Variants in MEP1A observed in about 807,000 individuals in gnomAD.
MEP1A encodes N-benzoyl-L-tyrosyl-P-amino-benzoic acid hydrolase subunit alpha.
MEP1A carries 68 observed loss-of-function variants against 84.5 expected under a neutral mutation model. The observed-to-expected ratio is 0.80, with a 90% CI of 0.66 to 0.98. The LOEUF is 0.98. Among genes scored for constraint, MEP1A ranks in the 50% least tolerant of loss-of-function variants. The probability of loss-of-function intolerance (pLI) is 0.00; values close to 1 mark genes in which losing one functional copy is unlikely to be tolerated. For missense variants in MEP1A, 887 were observed against 919.9 expected, an observed-to-expected ratio of 0.96 and a Z score of 0.46; for synonymous variants, 337 against 336.8, an observed-to-expected ratio of 1.00 and a Z score of -0.01.
chr6:46,797,902 CCTTCCTTCCTTCCT>C (rs1767096576), intron 3 of MEP1A, among the ~76,000 whole-genome samples: 2 of 55,844 alleles, frequency 3.6e-5, no homozygotes, highest in Non-Finnish European at 7.5e-5. Flanking sequence ...TTCCTTCCTT[CCTTCCTTCCTTCCT>C]TCCTTCCTTC....
At chr6:46,815,484 G>A (rs1767613531) in intron 6 of MEP1A, among the ~76,000 whole-genome samples, 2 of 152,246 alleles carry the variant, frequency 1.3e-5, no homozygotes, top group South Asian at 4.1e-4. Context: ...CAGTCGTCTG[G>A]TGACCAAGGT....
rs1256763893 is a variant in MEP1A at position 46,808,260 on chromosome 6, T to C, written c.263-1160T>C. Among the ~76,000 whole-genome samples the C allele has an allele frequency of 2.0e-5, 3 of 152,168 alleles. No homozygotes were observed. In the East Asian group the frequency reaches 5.8e-4, roughly 29 times the overall value. On this transcript the variant is annotated intron_variant, in intron 5 of 13. Coordinates refer to ENST00000230588, the MANE Select transcript of MEP1A (RefSeq NM_005588.3). ...CATGAAAATCTCCCAGCAGATGTAA[T>C]GAATGCTCTTGTTATTGTTATCTGT...
chr6:46,840,347 C>T (rs563464069), downstream of MEP1A, among the ~76,000 whole-genome samples: 1 of 152,122 alleles, frequency 6.6e-6, no homozygotes, highest in Non-Finnish European at 1.5e-5. Context: ...GATTACAAGG[C>T]CCTACACCCA....
intron 5 of MEP1A, among the ~76,000 whole-genome samples, chr6:46,805,931 A>G (rs1767307087): frequency 6.6e-6 from 1 of 152,004 alleles, no homozygotes; most frequent in Non-Finnish European, 1.5e-5. Context: ...CCCATTGGTC[A>G]CTAAAGCGCT....
At chr6:46,816,159 A>T (rs13219692) in intron 6 of MEP1A, among the ~76,000 whole-genome samples, 51,593 of 151,814 alleles carry the variant, frequency 0.34, 8,888 homozygotes, top group Middle Eastern at 0.39. Context: ...GCTGGTCTTG[A>T]ACTCCTGACC....
chr6:46,820,369 A>G (rs2150749958), intron 7 of MEP1A, among the ~76,000 whole-genome samples: 1 of 152,198 alleles, frequency 6.6e-6, no homozygotes, highest in Middle Eastern at 3.4e-3. Flanking sequence ...GTATTATTTT[A>G]ACTATTTCAT....
intron 6 of MEP1A, among the ~76,000 whole-genome samples, chr6:46,815,755 G>A (rs1677401576): frequency 1.3e-5 from 2 of 152,094 alleles, no homozygotes; most frequent in African/African-American, 2.4e-5. Flanking sequence ...TGACCGTGGG[G>A]TTTTGATAAT....
At chr6:46,823,338 A>G (rs575762766) in intron 7 of MEP1A, among the ~76,000 whole-genome samples, 1 of 152,334 alleles carries the variant, frequency 6.6e-6, no homozygotes, top group African/African-American at 2.4e-5. Context: ...GAGGCCAGGC[A>G]CGGTGGCTCA....
chr6:46,830,933 T>TA (rs1314984688), intron 10 of MEP1A, among the ~76,000 whole-genome samples: 1 of 152,292 alleles, frequency 6.6e-6, no homozygotes, highest in East Asian at 1.9e-4. Context: ...GAAAATGAGT[T>TA]AGAGTTTCAA....
chr6:46,829,623 T>G (rs771951174), intron 10 of MEP1A, 52 bp downstream of exon 10: 1 of 1,320,882 alleles, frequency 7.6e-7, no homozygotes, highest in East Asian at 2.3e-5. Flanking sequence ...TCCGGGATCC[T>G]GCTTCTTCTC....
chr6:46,815,263 G>C (rs1767608284), intron 6 of MEP1A, among the ~76,000 whole-genome samples: 1 of 152,176 alleles, frequency 6.6e-6, no homozygotes, highest in Admixed American at 6.5e-5. Context: ...AGGGCTTGCT[G>C]TGGCTGTTGT....
intron 6 of MEP1A, among the ~76,000 whole-genome samples, chr6:46,819,093 G>A (rs1235991582): frequency 6.6e-6 from 1 of 152,188 alleles, no homozygotes; most frequent in Non-Finnish European, 1.5e-5. Context: ...ACAGCAACCT[G>A]AGTGATAAAG....
rs1323402763 is a variant in MEP1A, at chr6:46,829,578, A to G, written c.1144+7A>G. 1 of 1,608,274 alleles carries G rather than the reference A, an allele frequency of 6.2e-7. No individual in the cohort carries two copies. Among genetic ancestry groups the G allele is most frequent in the East Asian group, 2.2e-5 (1 of 44,840 alleles). ...AAGGTGCAGACTTTTCAAGGTACTT[A>G]GAGGCATTCACACGAGGAATGGATT... is the stretch of plus-strand genomic sequence containing the variant. On this transcript the variant is annotated splice_region_variant and intron_variant, in intron 10 of 13. Transcript: ENST00000230588.
intron 6 of MEP1A, among the ~76,000 whole-genome samples, chr6:46,816,940 G>A (rs1767652159): frequency 6.6e-6 from 1 of 152,128 alleles, no homozygotes; most frequent in Non-Finnish European, 1.5e-5. Flanking sequence ...CTATTGTTTG[G>A]TGCAAGGTTC....
intron 5 of MEP1A, among the ~76,000 whole-genome samples, chr6:46,804,609 T>C (rs1337156366): frequency 4.0e-5 from 6 of 151,758 alleles, no homozygotes; most frequent in African/African-American, 1.2e-4. Context: ...CAGGTCAATA[T>C]TTGTATATAG....
intron 9 of MEP1A, among the ~76,000 whole-genome samples, chr6:46,828,991 C>G (rs761536167): frequency 6.6e-6 from 1 of 152,164 alleles, no homozygotes; most frequent in Non-Finnish European, 1.5e-5. Flanking sequence ...CAACTCTTTT[C>G]CTTGGAATGA....
In MEP1A at chr6:46,793,452, C is replaced by T. The variant is rs766337770; in HGVS notation, c.54C>T (p.His18=). The T allele has an allele frequency of 1.2e-6, 2 of 1,609,004 alleles. No homozygotes were observed. Among genetic ancestry groups the T allele is most frequent in the South Asian group, 2.2e-5 (2 of 89,604 alleles). ...TCTTTTTTACCTTGCTTTTTGCCCACATAGCAGCTGTACCGGTAAGTCGAG... is the reference window on the plus strand; with the variant it reads ...TCTTTTTTACCTTGCTTTTTGCCCATATAGCAGCTGTACCGGTAAGTCGAG... ...CILFFTLLFA[H]IAAVPIKYLP... The change falls in exon 1 of 14, where the codon CAC becomes CAT. Residue 18 remains histidine, a synonymous_variant. Transcript: ENST00000230588.
chr6:46,833,998 A>G (rs1281125893), intron 11 of MEP1A, among the ~76,000 whole-genome samples: 2 of 146,080 alleles, frequency 1.4e-5, no homozygotes, highest in African/African-American at 5.1e-5. Flanking sequence ...TTTTTTTGAG[A>G]TGGAGTCTCC....
In MEP1A at chr6:46,809,643, G is replaced by A. The variant is rs549468514; in HGVS notation, c.380+106G>A. 4.9e-4 allele frequency: 321 copies of A among 651,868 alleles called. 2 individuals carry two copies. Among genetic ancestry groups the A allele is most frequent in the South Asian group, 2.3e-3 (111 of 49,236 alleles). 40.4% of individuals were successfully genotyped at this position (651,868 alleles called of 1,614,324 possible). On this transcript the variant is annotated intron_variant, in intron 6 of 13. Coordinates refer to ENST00000230588, the MANE Select transcript of MEP1A (RefSeq NM_005588.3). ...CAATGTATCATTCTTTTGTCTTTGC[G>A]TCCTCATAACTTAGCTCCCACATAT...
Sources: gnomAD v4.1 joint callset for allele counts (sites outside exome capture counted in the v4.1 genomes callset) on GRCh38, gnomAD v4.1.1 for gene constraint, MANE v1.5 for transcripts, NCBI Gene and HGNC (gene_info 2026-07-23, HGNC 2026-07-21) for gene names.